Variants in PAFAH1B2 observed in about 807,000 individuals in gnomAD.
PAFAH1B2 encodes the protein platelet activating factor acetylhydrolase 1b catalytic subunit 2, also known as platelet-activating factor acetylhydrolase IB subunit alpha2.
PAFAH1B2 carries 8 observed loss-of-function variants against 28.0 expected under a neutral mutation model. The observed-to-expected ratio is 0.29, with a 90% CI of 0.17 to 0.52. The LOEUF (loss-of-function observed/expected upper bound fraction) is 0.52, where lower values mean the gene tolerates loss of function less well. PAFAH1B2 is among the 20% of genes least tolerant of loss of function. PAFAH1B2 has a pLI of 0.97. For missense variants in PAFAH1B2, 190 were observed against 282.6 expected, an observed-to-expected ratio of 0.67 and a Z score of 2.35; for synonymous variants, 104 against 103.2, an observed-to-expected ratio of 1.01 and a Z score of -0.05.
chr11:117,155,919 A>G (rs959943084), intron 2 of PAFAH1B2, among the ~76,000 whole-genome samples: 1 of 152,152 alleles, frequency 6.6e-6, no homozygotes, highest in African/African-American at 2.4e-5. Flanking sequence ...TATTATGTGT[A>G]GTGGCTCATA....
chr11:117,176,772 G>A (rs2030001125), exon 6 of PAFAH1B2: 1 of 152,180 alleles, frequency 6.6e-6, no homozygotes, highest in African/African-American at 2.4e-5. Context: ...AGCTACTTGG[G>A]AGGCTGAGGC....
At chr11:117,161,794 C>G (rs765259823) in intron 4 of PAFAH1B2, among the ~76,000 whole-genome samples, 3 of 152,104 alleles carry the variant, frequency 2.0e-5, no homozygotes, top group Non-Finnish European at 1.5e-5. Flanking sequence ...CAAGCATGAG[C>G]CACCGCGCCT....
At chr11:117,145,259 G>GCT (rs1478531423) in intron 1 of PAFAH1B2, among the ~76,000 whole-genome samples, 1 of 152,144 alleles carries the variant, frequency 6.6e-6, no homozygotes, top group African/African-American at 2.4e-5. Context: ...CCGTTGCGTG[G>GCT]TGACTCATGC....
chr11:117,162,965 T>C (rs977833301), intron 4 of PAFAH1B2, among the ~76,000 whole-genome samples: 11 of 152,126 alleles, frequency 7.2e-5, no homozygotes, highest in Non-Finnish European at 1.5e-4. Flanking sequence ...GCATTGAGAT[T>C]ATAGATGTGA....
chr11:117,172,659 C>T (rs1316118225), downstream of PAFAH1B2, among the ~76,000 whole-genome samples: 2 of 152,004 alleles, frequency 1.3e-5, no homozygotes, highest in Non-Finnish European at 2.9e-5. Context: ...TAGTTGGGAG[C>T]CCCCTATCTG....
chr11:117,166,723 C>G (rs1193734800), intron 5 of PAFAH1B2, among the ~76,000 whole-genome samples: 1 of 152,078 alleles, frequency 6.6e-6, no homozygotes, highest in Non-Finnish European at 1.5e-5. Flanking sequence ...TTCATTCCAC[C>G]TCTTTTTCTC....
chr11:117,175,097 G>T, downstream of PAFAH1B2: 1 of 1,262,262 alleles, frequency 7.9e-7, no homozygotes, highest in Non-Finnish European at 1.0e-6. Flanking sequence ...GGCTCAGGAA[G>T]GGTGGTCCAC....
intron 4 of PAFAH1B2, 124 bp from the exon 5 acceptor site, chr11:117,163,646 C>A: frequency 1.0e-6 from 1 of 965,018 alleles, no homozygotes; most frequent in Non-Finnish European, 1.5e-6. Flanking sequence ...GCACTCCAGT[C>A]TGGGTGATAG....
At position 117,157,032 on chromosome 11, in the gene PAFAH1B2, C is replaced by CAAA. The variant is rs201278098; in HGVS notation, c.82-2898_82-2896dup. ...AGAGTGAAACCCTGTCTCAAAATCT[C>CAAA]AAAAAAGAAAAAAAAAAAGAAAGGT... On this transcript the variant is annotated intron_variant, in intron 2 of 5. Coordinates refer to ENST00000527958, the MANE Select transcript of PAFAH1B2 (RefSeq NM_002572.4). 9.5e-3 allele frequency among the ~76,000 whole-genome samples: 646 copies of CAAA among 67,732 alleles called. 9 individuals are homozygous for CAAA. Among genetic ancestry groups the CAAA allele is most frequent in the African/African-American group, 0.036 (607 of 16,914 alleles). 44.4% of individuals were successfully genotyped at this position (67,732 alleles called of 152,430 possible).
At chr11:117,172,284 CAT>C (rs1318878018), downstream of PAFAH1B2, among the ~76,000 whole-genome samples, 1 of 148,784 alleles carries the variant, frequency 6.7e-6, no homozygotes, top group African/African-American at 2.5e-5. Flanking sequence ...TTTTGCTAAA[CAT>C]ATAATATTTG....
At chr11:117,145,348 G>A (rs1217006957) in intron 1 of PAFAH1B2, among the ~76,000 whole-genome samples, 1 of 152,090 alleles carries the variant, frequency 6.6e-6, no homozygotes, top group Admixed American at 6.5e-5. Flanking sequence ...CGGAGCTTTC[G>A]CCTCTTTGTA....
intron 5 of PAFAH1B2, among the ~76,000 whole-genome samples, chr11:117,166,274 G>A (rs1417812221): frequency 6.6e-6 from 1 of 152,190 alleles, no homozygotes; most frequent in Non-Finnish European, 1.5e-5. Flanking sequence ...CCTTATTCCA[G>A]AAAGGATTGT....
At chr11:117,156,578 T>TGG (rs1956259751) in intron 2 of PAFAH1B2, among the ~76,000 whole-genome samples, 1 of 152,104 alleles carries the variant, frequency 6.6e-6, no homozygotes, top group Non-Finnish European at 1.5e-5. Flanking sequence ...TAGGTTAAGG[T>TGG]GGTAGGATTA....
In PAFAH1B2 at chr11:117,168,008, C is replaced by G; in HGVS notation, c.*309C>G. The G allele has an allele frequency of 9.3e-7, 1 of 1,077,242 alleles. No individual in the cohort carries two copies. The highest frequency in any genetic ancestry group is 1.1e-6 in the Non-Finnish European group (1 of 887,708). 66.7% of individuals were successfully genotyped at this position (1,077,242 alleles called of 1,614,324 possible). On this transcript the variant is annotated 3_prime_UTR_variant, in exon 6 of 6. Transcript: ENST00000527958. Reference sequence around the variant, plus strand: ...CTGTTTTCTTGGGACAACATCAAGCCTAAATACTGAACAATATGAAGATTC... The same window carrying G: ...CTGTTTTCTTGGGACAACATCAAGCGTAAATACTGAACAATATGAAGATTC...
rs568590089 is a variant in PAFAH1B2, at chr11:117,148,875, A to T, written c.-7-3566A>T. Among the ~76,000 whole-genome samples the T allele has an allele frequency of 7.9e-5, 12 of 152,082 alleles. No homozygotes were observed. The South Asian group carries it at 2.5e-3, about 32-fold the overall frequency. ...GAATATAGGAAAAAAATCTCAGAAC[A>T]TTTATTTACTTAGAGACAAGGTCTC... On this transcript the variant is annotated intron_variant, in intron 1 of 5. Transcript: ENST00000527958.
rs189193731 is a variant in PAFAH1B2 at position 117,144,313 on chromosome 11, C to T, written c.-113C>T. 2 of 393,638 alleles carry T rather than the reference C, an allele frequency of 5.1e-6. No homozygotes were observed. Among genetic ancestry groups the T allele is most frequent in the Non-Finnish European group, 5.2e-6 (1 of 191,160 alleles). The allele number at this position is 393,638 out of a possible 1,614,324, so 24.4% of individuals were successfully genotyped here. A position where few individuals can be genotyped will look rare whatever the true frequency, so the allele number is the denominator to read the frequency against. The stretch of plus-strand genomic sequence containing the variant: ...GAGGAGCTGCTGCTGGTGCTGGGGC[C>T]GGAGGAGGGACGCGCCGGAGCGGGA... On this transcript the variant is annotated 5_prime_UTR_variant, in exon 1 of 6. Transcript: ENST00000527958.
chr11:117,153,701 C>T (rs1031383289), intron 2 of PAFAH1B2, among the ~76,000 whole-genome samples: 2 of 151,860 alleles, frequency 1.3e-5, no homozygotes, highest in Admixed American at 1.3e-4. Context: ...GTGTCTATAT[C>T]TATTTCTATA....
At chr11:117,164,029 T>C in intron 5 of PAFAH1B2, 137 bp downstream of exon 5, 1 of 821,096 alleles carries the variant, frequency 1.2e-6, no homozygotes, top group Non-Finnish European at 2.0e-6. Flanking sequence ...ACCTCTTCTT[T>C]AATGTATTTT....
chr11:117,159,877 C>G, intron 2 of PAFAH1B2, 57 bp from the exon 3 acceptor site: 1 of 1,261,798 alleles, frequency 7.9e-7, no homozygotes, highest in Non-Finnish European at 1.2e-6. Flanking sequence ...AAGCATGGGC[C>G]ACCACACCCA....
Sources: gnomAD v4.1 joint callset for allele counts (sites outside exome capture counted in the v4.1 genomes callset) on GRCh38, gnomAD v4.1.1 for gene constraint, MANE v1.5 for transcripts, NCBI Gene and HGNC (gene_info 2026-07-23, HGNC 2026-07-21) for gene names.